Variants in SNTG1 observed in about 807,000 individuals in gnomAD.
SNTG1 encodes syntrophin gamma 1, also known as gamma-1-syntrophin.
A neutral mutation model predicts 74.7 loss-of-function variants in SNTG1; 39 were observed. That is an observed-to-expected ratio of 0.52 (90% confidence interval 0.40 to 0.68). SNTG1 has a LOEUF of 0.68. Ranked by LOEUF, SNTG1 falls within the 30% of genes least tolerant of loss-of-function variation. The pLI is 0.00. For missense variants in SNTG1, 685 were observed against 609.5 expected (o/e 1.12, Z -1.30); for synonymous variants, 254 against 217.1 (o/e 1.17, Z -1.49).
chr8:50,792,970 T>C lies in SNTG1; in HGVS notation c.*141T>C, dbSNP rs2131877654. On this transcript the variant is annotated 3_prime_UTR_variant, in exon 19 of 19. Coordinates refer to ENST00000642720, the MANE Select transcript of SNTG1 (RefSeq NM_018967.5). ...AAATTTCGGCAGAAAAAGAAGGTCA[T>C]GTGGAACCTCAAAAACACTTCTATT... 1 of 838,732 alleles carries C rather than the reference T, an allele frequency of 1.2e-6. No individual in the cohort carries two copies. The highest frequency in any genetic ancestry group is 1.7e-6 in the Non-Finnish European group (1 of 571,514). The allele number at this position is 838,732 out of a possible 1,614,324, so 52.0% of individuals were successfully genotyped here.
intron 1 of SNTG1, among the ~76,000 whole-genome samples, chr8:50,089,611 C>T (rs934451429): frequency 6.6e-6 from 1 of 152,186 alleles, no homozygotes; most frequent in African/African-American, 2.4e-5. Context: ...TGAACAGACA[C>T]TTCTCAAAAG....
At chr8:50,100,496 T>C (rs978635670) in intron 1 of SNTG1, among the ~76,000 whole-genome samples, 1 of 152,110 alleles carries the variant, frequency 6.6e-6, no homozygotes, top group African/African-American at 2.4e-5. Context: ...TTGATCACTA[T>C]GCACTGTATG....
At chr8:49,971,181 G>A (rs577527208) in intron 1 of SNTG1, among the ~76,000 whole-genome samples, 2 of 152,264 alleles carry the variant, frequency 1.3e-5, no homozygotes, top group Non-Finnish European at 2.9e-5. Flanking sequence ...ATGATCAAGA[G>A]GGCTTCATCC....
intron 4 of SNTG1, among the ~76,000 whole-genome samples, chr8:50,412,255 T>C (rs1056785720): frequency 2.0e-5 from 3 of 152,216 alleles, no homozygotes; most frequent in African/African-American, 7.2e-5. Context: ...ATTTTCTTTA[T>C]ACATATAAAG....
At chr8:50,335,400 G>A (rs747070034) in intron 2 of SNTG1, among the ~76,000 whole-genome samples, 3 of 152,058 alleles carry the variant, frequency 2.0e-5, no homozygotes, top group East Asian at 1.9e-4. Flanking sequence ...TCAAGGCTCC[G>A]GAGAAATATC....
chr8:50,321,179 G>T (rs57701035), intron 2 of SNTG1, among the ~76,000 whole-genome samples: 7,332 of 152,046 alleles, frequency 0.048, 399 homozygotes, highest in South Asian at 0.16. Flanking sequence ...TCTCTCCTTA[G>T]CTCTAATAAT....
chr8:50,649,340 A>C (rs1051920968), intron 13 of SNTG1, among the ~76,000 whole-genome samples: 2 of 152,126 alleles, frequency 1.3e-5, no homozygotes, highest in Non-Finnish European at 2.9e-5. Context: ...TCTACTAAAA[A>C]TACAAAAAAT....
At chr8:50,058,303 AACAG>A (rs1214236871) in intron 1 of SNTG1, among the ~76,000 whole-genome samples, 5 of 152,174 alleles carry the variant, frequency 3.3e-5, no homozygotes, top group Middle Eastern at 3.2e-3. Flanking sequence ...TAAGAGCAGA[AACAG>A]ACAGATGAGA....
intron 8 of SNTG1, among the ~76,000 whole-genome samples, chr8:50,480,371 C>T (rs527548377): frequency 2.0e-5 from 3 of 152,140 alleles, no homozygotes; most frequent in South Asian, 2.1e-4. Flanking sequence ...CATTGTCATT[C>T]GATGACTTGA....
chr8:49,976,991 G>A (rs1812253420), intron 1 of SNTG1, among the ~76,000 whole-genome samples: 1 of 152,112 alleles, frequency 6.6e-6, no homozygotes, highest in Admixed American at 6.5e-5. Context: ...AGCAGGAAGT[G>A]CTTGTGAGAA....
At chr8:50,334,505 TAA>T (rs34886446) in intron 2 of SNTG1, among the ~76,000 whole-genome samples, 38 of 137,156 alleles carry the variant, frequency 2.8e-4, no homozygotes, top group Middle Eastern at 3.9e-3. Flanking sequence ...ATATCTCTGC[TAA>T]AAAAAAAAAA....
chr8:50,042,476 G>C (rs910993111), intron 1 of SNTG1, among the ~76,000 whole-genome samples: 1 of 152,174 alleles, frequency 6.6e-6, no homozygotes, highest in African/African-American at 2.4e-5. Flanking sequence ...TAGGAGGAAA[G>C]CTTTGGCCTA....
chr8:50,469,869 C>G (rs557422571), intron 8 of SNTG1, among the ~76,000 whole-genome samples: 2 of 152,268 alleles, frequency 1.3e-5, no homozygotes, highest in Admixed American at 1.3e-4. Context: ...ATCCCAGCTA[C>G]TCGGGAGGCT....
At chr8:49,940,639 G>A (rs1245431121) in intron 1 of SNTG1, among the ~76,000 whole-genome samples, 2 of 152,130 alleles carry the variant, frequency 1.3e-5, no homozygotes, top group African/African-American at 2.4e-5. Flanking sequence ...ATGACGTTTT[G>A]TAAATACTTA....
At chr8:50,005,718 C>G (rs1249389844) in intron 1 of SNTG1, among the ~76,000 whole-genome samples, 3 of 151,882 alleles carry the variant, frequency 2.0e-5, no homozygotes, top group Admixed American at 6.6e-5. Context: ...AGATATAAAA[C>G]CCTCCATGTG....
intron 1 of SNTG1, among the ~76,000 whole-genome samples, chr8:50,062,684 C>T (rs1354925979): frequency 1.3e-5 from 2 of 152,124 alleles, no homozygotes; most frequent in Admixed American, 6.5e-5. Flanking sequence ...TGATTTATCT[C>T]AGTAGAATTT....
chr8:50,558,780 A>G (rs2094470961), intron 12 of SNTG1, among the ~76,000 whole-genome samples: 2 of 152,160 alleles, frequency 1.3e-5, no homozygotes, highest in South Asian at 4.1e-4. Context: ...ATTTTTTAAA[A>G]GTCCTGATAA....
intron 1 of SNTG1, among the ~76,000 whole-genome samples, chr8:50,017,466 G>T (rs937997609): frequency 1.3e-5 from 2 of 151,716 alleles, no homozygotes; most frequent in African/African-American, 4.8e-5. Context: ...CCAAATTGAA[G>T]GTGGATATTG....
chr8:50,067,188 T>C (rs1406096548), intron 1 of SNTG1, among the ~76,000 whole-genome samples: 1 of 152,230 alleles, frequency 6.6e-6, no homozygotes, highest in Non-Finnish European at 1.5e-5. Context: ...TTGTTACTTT[T>C]CTGTGCAAGC....
Sources: gnomAD v4.1 joint callset for allele counts (sites outside exome capture counted in the v4.1 genomes callset) on GRCh38, gnomAD v4.1.1 for gene constraint, MANE v1.5 for transcripts, NCBI Gene and HGNC (gene_info 2026-07-23, HGNC 2026-07-21) for gene names.